Variants in TMEM51 observed in about 807,000 individuals in gnomAD.
TMEM51 encodes chromosome 1 open reading frame 72.
TMEM51 carries 8 observed loss-of-function variants against 13.6 expected under a neutral mutation model. The ratio of observed to expected loss-of-function variants is 0.59; its 90% confidence interval spans 0.35 to 1.07. The LOEUF (loss-of-function observed/expected upper bound fraction) is 1.07. TMEM51 is among the 50% of genes least tolerant of loss of function. TMEM51 has a pLI of 0.02. For synonymous variants in TMEM51, 147 were observed against 144.4 expected (o/e 1.02, Z -0.13); for missense variants, 279 against 330.7 (o/e 0.84, Z 1.21).
chr1:15,196,488 A>G (rs1644052910), intron 1 of TMEM51, among the ~76,000 whole-genome samples: 1 of 152,144 alleles, frequency 6.6e-6, no homozygotes, highest in Admixed American at 6.5e-5. Context: ...GTGAGGGAGT[A>G]TGTGGAGACT....
chr1:15,182,206 A>AAATAAATGAATGAATG (rs1452812707), intron 1 of TMEM51, among the ~76,000 whole-genome samples: 2 of 148,812 alleles, frequency 1.3e-5, no homozygotes, highest in African/African-American at 2.5e-5. Context: ...ATAAATAAAT[A>AAATAAATGAATGAATG]ACTGCACTAG....
intron 1 of TMEM51, among the ~76,000 whole-genome samples, chr1:15,185,752 A>G (rs1429258543): frequency 1.3e-5 from 2 of 152,092 alleles, no homozygotes; most frequent in African/African-American, 4.8e-5. Flanking sequence ...GACCAGTTGA[A>G]TCTCTTTTCA....
chr1:15,169,527 T>C (rs563681499), intron 1 of TMEM51, among the ~76,000 whole-genome samples: 1 of 152,296 alleles, frequency 6.6e-6, no homozygotes, highest in East Asian at 1.9e-4. Context: ...CATTAGCAAA[T>C]ATCAACCCCC....
intron 1 of TMEM51, among the ~76,000 whole-genome samples, chr1:15,195,387 T>G (rs72642320): frequency 0.13 from 20,288 of 152,204 alleles, 1,734 homozygotes; most frequent in Non-Finnish European, 0.19. Flanking sequence ...TGAGATTTTC[T>G]TTTTGTCCTG....
intron 2 of TMEM51, among the ~76,000 whole-genome samples, chr1:15,211,583 A>C (rs555578310): frequency 6.6e-6 from 1 of 152,062 alleles, no homozygotes; most frequent in African/African-American, 2.4e-5. Flanking sequence ...AGCTGTGGAG[A>C]CTGAAGCACA....
intron 2 of TMEM51, among the ~76,000 whole-genome samples, chr1:15,210,815 G>C (rs1172791501): frequency 6.6e-6 from 1 of 152,128 alleles, no homozygotes; most frequent in Non-Finnish European, 1.5e-5. Context: ...AAAAGGAAAA[G>C]AACACCATGC....
Position 15,215,218 on chromosome 1 carries a change from C to G in TMEM51, c.131C>G (p.Thr44Arg). 6.2e-7 allele frequency: 1 copy of G among 1,614,218 alleles called. No individual in the cohort carries two copies. Among genetic ancestry groups the G allele is most frequent in the South Asian group, 1.1e-5 (1 of 91,076 alleles). Residue 44 changes from threonine to arginine, a missense_variant, in exon 3 of 4, where the codon ACA becomes AGA. Physicochemically the swap from Thr to Arg is moderately conservative, Grantham distance 71 (BLOSUM62 -1). Coordinates refer to ENST00000376008, the MANE Select transcript of TMEM51 (RefSeq NM_001136218.2). ...GGCTTCAGCGCGGCCGAGAAGCCAA[C>G]AGCTCAGGGCAGCAACAAGACCGAG... is the stretch of plus-strand genomic sequence containing the variant. ...VPGFSAAEKPTAQGSNKTEVG... is the reference protein window; with the variant it reads ...VPGFSAAEKPRAQGSNKTEVG...
At chr1:15,154,125 C>G (rs1642501241) in intron 1 of TMEM51, among the ~76,000 whole-genome samples, 171 bp downstream of exon 1, 1 of 152,092 alleles carries the variant, frequency 6.6e-6, no homozygotes, top group African/African-American at 2.4e-5. Context: ...CACCCCGCAC[C>G]CTCTGCGGCC....
chr1:15,165,427 T>C (rs1353903131), intron 1 of TMEM51, among the ~76,000 whole-genome samples: 2 of 152,164 alleles, frequency 1.3e-5, no homozygotes, highest in Admixed American at 6.5e-5. Context: ...ACACAGGAAA[T>C]CTAAAATGTT....
chr1:15,177,007 G>C (rs1022272816), intron 1 of TMEM51, among the ~76,000 whole-genome samples: 16 of 152,194 alleles, frequency 1.1e-4, no homozygotes, highest in Non-Finnish European at 7.3e-5. Flanking sequence ...GCAGATGTCT[G>C]AAAGGAGCCA....
At chr1:15,171,251 G>T (rs1252216010) in intron 1 of TMEM51, 2 of 1,304,152 alleles carry the variant, frequency 1.5e-6, no homozygotes, top group East Asian at 5.5e-5. Context: ...AGATCAAAAG[G>T]TTTGCAGGTC....
chr1:15,166,795 G>C (rs1643015060), intron 1 of TMEM51, among the ~76,000 whole-genome samples: 3 of 152,100 alleles, frequency 2.0e-5, no homozygotes, highest in Non-Finnish European at 2.9e-5. Flanking sequence ...TTTGAACACA[G>C]TTCGATGAGT....
At chr1:15,203,781 G>GCT (rs1644201512) in intron 1 of TMEM51, among the ~76,000 whole-genome samples, 1 of 152,132 alleles carries the variant, frequency 6.6e-6, no homozygotes, top group Non-Finnish European at 1.5e-5. Flanking sequence ...AAAACTCTGA[G>GCT]CTCGTCACTT....
At chr1:15,214,240 G>A (rs1036741287) in intron 2 of TMEM51, among the ~76,000 whole-genome samples, 16 of 151,986 alleles carry the variant, frequency 1.1e-4, no homozygotes, top group African/African-American at 3.6e-4. Context: ...TGGAGGATTT[G>A]GGGAGCACAT....
chr1:15,213,084 A>C (rs557413349), intron 2 of TMEM51, among the ~76,000 whole-genome samples: 2 of 152,326 alleles, frequency 1.3e-5, no homozygotes, highest in Admixed American at 1.3e-4. Context: ...CTAATCCCAC[A>C]GTTCCTGTAC....
chr1:15,193,617 G>A (rs1466099919), intron 1 of TMEM51, among the ~76,000 whole-genome samples: 10 of 128,460 alleles, frequency 7.8e-5, no homozygotes, highest in African/African-American at 2.1e-4. Context: ...TCACTCTGTC[G>A]CCCAAGCTGG....
chr1:15,208,247 G>A (rs1426949928), intron 1 of TMEM51, among the ~76,000 whole-genome samples: 1 of 152,182 alleles, frequency 6.6e-6, no homozygotes, highest in African/African-American at 2.4e-5. Flanking sequence ...GTGTGAGAGA[G>A]GAGGCATTTC....
chr1:15,201,020 A>G (rs1243388245), intron 1 of TMEM51, among the ~76,000 whole-genome samples: 1 of 152,258 alleles, frequency 6.6e-6, no homozygotes, highest in Non-Finnish European at 1.5e-5. Flanking sequence ...ACCTGCCAGC[A>G]CGCAGGCTGT....
At chr1:15,157,349 G>T (rs556391541) in intron 1 of TMEM51, among the ~76,000 whole-genome samples, 33 of 152,302 alleles carry the variant, frequency 2.2e-4, no homozygotes, top group Middle Eastern at 3.4e-3. Flanking sequence ...AAACCTGAAT[G>T]CGTAGCTTCA....
Sources: gnomAD v4.1 joint callset for allele counts (sites outside exome capture counted in the v4.1 genomes callset) on GRCh38, gnomAD v4.1.1 for gene constraint, MANE v1.5 for transcripts, NCBI Gene and HGNC (gene_info 2026-07-23, HGNC 2026-07-21) for gene names.